NXPH1: variants seen among roughly 807,000 people sequenced by gnomAD.
The protein encoded by NXPH1 is neurexophilin 1, also known as neurexophilin-1.
In NXPH1, 5 loss-of-function variants were observed where a neutral mutation model predicts 23.7. The observed-to-expected ratio is 0.21, with a 90% CI of 0.11 to 0.44. The LOEUF (loss-of-function observed/expected upper bound fraction) is 0.44. Among genes scored for constraint, NXPH1 ranks in the 20% least tolerant of loss-of-function variants. The pLI is 0.99. For synonymous variants in NXPH1, 144 were observed against 122.2 expected (o/e 1.18, Z -1.18); for missense variants, 324 against 321.6 (o/e 1.01, Z -0.06).
intron 2 of NXPH1, among the ~76,000 whole-genome samples, chr7:8,665,877 T>G (rs538067589): frequency 6.6e-6 from 1 of 151,594 alleles, no homozygotes; most frequent in African/African-American, 2.4e-5. Context: ...GCAACTTTAC[T>G]GAATTGATTT....
intron 2 of NXPH1, among the ~76,000 whole-genome samples, chr7:8,506,961 T>C (rs927331316): frequency 6.6e-5 from 10 of 151,818 alleles, no homozygotes; most frequent in Non-Finnish European, 1.3e-4. Context: ...TTCATGAGCA[T>C]GGGTGTGACA....
intron 2 of NXPH1, among the ~76,000 whole-genome samples, chr7:8,436,086 G>A (rs1300585953): frequency 6.6e-6 from 1 of 152,160 alleles, no homozygotes; most frequent in Non-Finnish European, 1.5e-5. Context: ...GAAGTGGAAG[G>A]CAGGAACTCT....
intron 2 of NXPH1, among the ~76,000 whole-genome samples, chr7:8,723,310 T>C (rs557344133): frequency 6.6e-6 from 1 of 152,334 alleles, no homozygotes; most frequent in Non-Finnish European, 1.5e-5. Context: ...TCTATCAGTA[T>C]TCTTTTCATT....
intron 2 of NXPH1, among the ~76,000 whole-genome samples, chr7:8,492,743 G>T (rs1817270064): frequency 6.6e-6 from 1 of 151,984 alleles, no homozygotes; most frequent in South Asian, 2.1e-4. Context: ...TCTGACAGTG[G>T]GTCCCATTGG....
At chr7:8,512,479 A>G (rs1194464940) in intron 2 of NXPH1, among the ~76,000 whole-genome samples, 6 of 152,018 alleles carry the variant, frequency 3.9e-5, no homozygotes, top group African/African-American at 1.2e-4. Context: ...TGGCTCATCA[A>G]CTCTAGCCTT....
chr7:8,665,195 G>T (rs1165145602), intron 2 of NXPH1, among the ~76,000 whole-genome samples: 1 of 151,870 alleles, frequency 6.6e-6, no homozygotes, highest in East Asian at 1.9e-4. Flanking sequence ...GTTGATTTTT[G>T]TAAATGGTGT....
intron 2 of NXPH1, among the ~76,000 whole-genome samples, chr7:8,584,983 C>T (rs889396439): frequency 1.4e-4 from 21 of 152,044 alleles, no homozygotes; most frequent in African/African-American, 3.9e-4. Context: ...TGACTTAAGG[C>T]CTCTCTACAG....
At chr7:8,598,007 A>G (rs906933433) in intron 2 of NXPH1, among the ~76,000 whole-genome samples, 3 of 152,164 alleles carry the variant, frequency 2.0e-5, no homozygotes, top group Non-Finnish European at 4.4e-5. Context: ...CAGCTCTGCT[A>G]TAGAAAGCAA....
At chr7:8,508,900 C>T (rs943318921) in intron 2 of NXPH1, among the ~76,000 whole-genome samples, 3 of 151,976 alleles carry the variant, frequency 2.0e-5, no homozygotes, top group Non-Finnish European at 2.9e-5. Flanking sequence ...TTTGGGGAGG[C>T]GGGCACATTA....
At chr7:8,583,443 T>A (rs1365998656) in intron 2 of NXPH1, among the ~76,000 whole-genome samples, 1 of 152,202 alleles carries the variant, frequency 6.6e-6, no homozygotes, top group Non-Finnish European at 1.5e-5. Context: ...TATCATAAGA[T>A]TATGTGAATT....
rs547777605 is a variant in NXPH1, at chr7:8,507,141, A to G, written c.54+71374A>G. Among the ~76,000 whole-genome samples the G allele has an allele frequency of 5.9e-5, 9 of 151,798 alleles. No homozygotes were observed. In the South Asian group the frequency reaches 1.9e-3, roughly 31 times the overall value. On this transcript the variant is annotated intron_variant, in intron 2 of 2. Transcript: ENST00000405863. ...AGAGAGGTGGGTGCAGAAGAAGCAG[A>G]TTTAAGGGATGAAATTGATTGGGTT...
chr7:8,470,509 C>A (rs1816855659), intron 2 of NXPH1, among the ~76,000 whole-genome samples: 1 of 152,036 alleles, frequency 6.6e-6, no homozygotes, highest in South Asian at 2.1e-4. Context: ...GAATATTAGA[C>A]CATTTAGGGC....
intron 2 of NXPH1, among the ~76,000 whole-genome samples, chr7:8,534,277 C>A (rs1431217890): frequency 6.6e-6 from 1 of 152,064 alleles, no homozygotes; most frequent in Non-Finnish European, 1.5e-5. Context: ...ATGAAAAAGT[C>A]TCTAGTACCC....
At chr7:8,588,052 C>A (rs1251263370) in intron 2 of NXPH1, among the ~76,000 whole-genome samples, 1 of 152,084 alleles carries the variant, frequency 6.6e-6, no homozygotes, top group African/African-American at 2.4e-5. Context: ...AATGAGATAC[C>A]ATCTCACGCT....
chr7:8,735,067 T>A (rs558380056), intron 2 of NXPH1, among the ~76,000 whole-genome samples: 2 of 152,206 alleles, frequency 1.3e-5, no homozygotes, highest in Non-Finnish European at 2.9e-5. Flanking sequence ...TTTCTAAATA[T>A]AAAATCATGT....
chr7:8,613,233 C>T (rs1819657937), intron 2 of NXPH1, among the ~76,000 whole-genome samples: 1 of 151,860 alleles, frequency 6.6e-6, no homozygotes, highest in Non-Finnish European at 1.5e-5. Context: ...AAGTTTTGCG[C>T]ACATTTTCTT....
At chr7:8,672,840 C>T (rs555572305) in intron 2 of NXPH1, among the ~76,000 whole-genome samples, 3 of 152,206 alleles carry the variant, frequency 2.0e-5, no homozygotes, top group East Asian at 1.9e-4. Flanking sequence ...CATCTCTTTC[C>T]TCATTACTTT....
chr7:8,440,644 G>A (rs1260165984), intron 2 of NXPH1, among the ~76,000 whole-genome samples: 1 of 152,100 alleles, frequency 6.6e-6, no homozygotes, highest in Non-Finnish European at 1.5e-5. Context: ...GCATTGTCCG[G>A]GTAATAACCG....
intron 2 of NXPH1, among the ~76,000 whole-genome samples, chr7:8,679,600 A>AT (rs1354932480): frequency 2.6e-5 from 4 of 152,162 alleles, no homozygotes; most frequent in African/African-American, 7.2e-5. Flanking sequence ...TTTTGTTATT[A>AT]TTTTTGGTGT....
Sources: gnomAD v4.1 joint callset for allele counts (sites outside exome capture counted in the v4.1 genomes callset) on GRCh38, gnomAD v4.1.1 for gene constraint, MANE v1.5 for transcripts, NCBI Gene and HGNC (gene_info 2026-07-23, HGNC 2026-07-21) for gene names.